The following GABRB3 variants were observed in gnomAD, a reference collection of about 807,000 sequenced individuals.
The protein encoded by GABRB3 is gamma-aminobutyric acid type A receptor subunit beta3.
A neutral mutation model predicts 52.1 loss-of-function variants in GABRB3; 14 were observed. The ratio of observed to expected loss-of-function variants is 0.27; its 90% CI spans 0.18 to 0.42. GABRB3 has a LOEUF of 0.42. GABRB3 is among the 10% of genes least tolerant of loss of function. GABRB3 has a pLI of 1.00. For missense variants in GABRB3, 307 were observed against 609.1 expected (o/e 0.50, Z 5.22); for synonymous variants, 260 against 232.3 (o/e 1.12, Z -1.08).
chr15:26,632,108 A>T (rs1339627625), intron 3 of GABRB3, among the ~76,000 whole-genome samples: 1 of 152,248 alleles, frequency 6.6e-6, no homozygotes, highest in Non-Finnish European at 1.5e-5. Flanking sequence ...TCACTGTCTT[A>T]TGCCTGTCAC....
intron 3 of GABRB3, among the ~76,000 whole-genome samples, chr15:26,718,413 G>A (rs965467425): frequency 1.3e-5 from 2 of 152,026 alleles, no homozygotes; most frequent in African/African-American, 4.8e-5. Flanking sequence ...TTCTCCATGT[G>A]GGTCAGGCTG....
chr15:26,564,912 GT>G (rs1437626103), intron 7 of GABRB3, among the ~76,000 whole-genome samples: 17 of 152,230 alleles, frequency 1.1e-4, no homozygotes, highest in African/African-American at 3.9e-4. Context: ...ATATGCAGTA[GT>G]TAAGGGAGAA....
chr15:26,618,736 C>T (rs1050099827), intron 4 of GABRB3, among the ~76,000 whole-genome samples: 5 of 151,908 alleles, frequency 3.3e-5, no homozygotes, highest in Non-Finnish European at 5.9e-5. Context: ...AGGCAACCTA[C>T]AAAATGGGAG....
At chr15:26,616,053 C>T (rs1356933266) in intron 4 of GABRB3, 2 of 1,289,176 alleles carry the variant, frequency 1.6e-6, no homozygotes, top group Admixed American at 2.3e-5. Flanking sequence ...AGGCCAGGGC[C>T]ATAGTACCTA....
At chr15:26,611,047 C>T (rs1438161320) in intron 4 of GABRB3, among the ~76,000 whole-genome samples, 1 of 152,156 alleles carries the variant, frequency 6.6e-6, no homozygotes, top group Non-Finnish European at 1.5e-5. Flanking sequence ...GGCAAAAATA[C>T]CCATGTATTT....
chr15:26,582,330 C>G (rs1326079943), intron 5 of GABRB3, among the ~76,000 whole-genome samples: 1 of 152,196 alleles, frequency 6.6e-6, no homozygotes, highest in Non-Finnish European at 1.5e-5. Context: ...TGGAGTTGTG[C>G]CCTCACTGGA....
chr15:26,578,221 T>C (rs781010895), intron 6 of GABRB3, among the ~76,000 whole-genome samples: 27 of 152,242 alleles, frequency 1.8e-4, no homozygotes, highest in Non-Finnish European at 5.9e-5. Context: ...TTAAAATATC[T>C]TTAGAACACT....
At chr15:26,559,955 A>C (rs1036174290) in intron 8 of GABRB3, among the ~76,000 whole-genome samples, 1 of 152,218 alleles carries the variant, frequency 6.6e-6, no homozygotes, top group African/African-American at 2.4e-5. Flanking sequence ...GACTGTGGCC[A>C]CTGGGCAGGT....
intron 4 of GABRB3, among the ~76,000 whole-genome samples, chr15:26,598,468 T>C (rs1891474800): frequency 6.6e-6 from 1 of 151,914 alleles, no homozygotes; most frequent in African/African-American, 2.4e-5. Context: ...GACCGGAACA[T>C]CCTTTTGAAA....
intron 3 of GABRB3, among the ~76,000 whole-genome samples, chr15:26,706,200 G>A (rs1478854451): frequency 2.0e-5 from 3 of 152,204 alleles, no homozygotes; most frequent in East Asian, 1.9e-4. Context: ...ATCCACCTTC[G>A]AAACTCAACG....
At chr15:26,548,486 C>A (rs906820306) in intron 8 of GABRB3, among the ~76,000 whole-genome samples, 2 of 152,154 alleles carry the variant, frequency 1.3e-5, no homozygotes, top group Non-Finnish European at 2.9e-5. Context: ...ATTTTCACAA[C>A]TATACTTTGA....
intron 3 of GABRB3, 111 bp downstream of exon 3, chr15:26,772,291 G>C (rs1186875926): frequency 3.2e-6 from 3 of 949,996 alleles, no homozygotes; most frequent in Non-Finnish European, 4.8e-6. Flanking sequence ...TCTGCGGACC[G>C]GGGAAACTCG....
In GABRB3 at chr15:26,621,519, T is replaced by C; in HGVS notation, c.256A>G (p.Met86Val). Residue 86 changes from methionine (M) to valine (V), a missense_variant, in exon 4 of 9, where the codon ATG becomes GTG. Coordinates refer to ENST00000311550, the MANE Select transcript of GABRB3 (RefSeq NM_000814.6). The surrounding 1 kb of genome is among the most constrained non-coding windows in gnomAD (Gnocchi z 4.1). ...SEVNMDYTLT[M>V]YFQQYWRDKR... is the part of the protein sequence containing the mutation. The stretch of plus-strand genomic sequence containing the variant: ...TCTCTCCAATATTGTTGAAAATACA[T>C]GGTTAAGGTATAATCCTGGGGGGAA... 6.2e-7 allele frequency: 1 copy of C among 1,612,864 alleles called. No individual in the cohort carries two copies. The highest frequency in any genetic ancestry group is 1.1e-5 in the South Asian group (1 of 91,050).
intron 3 of GABRB3, among the ~76,000 whole-genome samples, chr15:26,732,065 G>A (rs1044251646): frequency 1.3e-5 from 2 of 151,922 alleles, no homozygotes; most frequent in African/African-American, 4.8e-5. Context: ...GTGGACGGAT[G>A]AGTGGAAGGG....
At chr15:26,559,935 T>C (rs1480044797) in intron 8 of GABRB3, among the ~76,000 whole-genome samples, 1 of 152,206 alleles carries the variant, frequency 6.6e-6, no homozygotes, top group East Asian at 1.9e-4. Flanking sequence ...ACTTTGCTTT[T>C]TCTCTAGAAG....
chr15:26,633,915 C>T (rs917951396), intron 3 of GABRB3, among the ~76,000 whole-genome samples: 6 of 152,202 alleles, frequency 3.9e-5, no homozygotes, highest in Non-Finnish European at 5.9e-5. Context: ...TCTTGGCCGC[C>T]GGCTAAATAA....
intron 4 of GABRB3, among the ~76,000 whole-genome samples, chr15:26,610,842 G>C (rs562912485): frequency 2.2e-4 from 34 of 152,296 alleles, no homozygotes; most frequent in African/African-American, 8.2e-4. Flanking sequence ...AATGTCTTCA[G>C]AATTGTCAGC....
At chr15:26,722,168 G>C (rs926078428) in intron 3 of GABRB3, among the ~76,000 whole-genome samples, 1 of 151,976 alleles carries the variant, frequency 6.6e-6, no homozygotes, top group African/African-American at 2.4e-5. Flanking sequence ...CCTCAACAAG[G>C]GTTGCTCATT....
At chr15:26,549,331 C>T (rs1033415933) in intron 8 of GABRB3, among the ~76,000 whole-genome samples, 25 of 152,082 alleles carry the variant, frequency 1.6e-4, no homozygotes, top group African/African-American at 6.0e-4. Flanking sequence ...GGGATAAGAC[C>T]GCCGGTGGGA....
Sources: allele counts gnomAD v4.1 joint callset (sites outside exome capture counted in the v4.1 genomes callset), GRCh38; gene constraint gnomAD v4.1.1; non-coding constraint Gnocchi (gnomAD v3.1); transcripts MANE v1.5; gene names NCBI Gene and HGNC (gene_info 2026-07-23, HGNC 2026-07-21).